The following ANLN variants were observed in gnomAD, a reference collection of about 807,000 sequenced individuals.
ANLN encodes the protein anillin, actin binding protein, also known as anillin.
ANLN carries 59 observed loss-of-function variants against 135.1 expected under a neutral mutation model. The observed-to-expected ratio is 0.44, with a 90% CI of 0.35 to 0.54. The LOEUF (loss-of-function observed/expected upper bound fraction) is 0.54. Ranked by LOEUF, ANLN falls within the 20% of genes least tolerant of loss-of-function variation. The pLI, the probability that ANLN is intolerant of heterozygous loss-of-function variation, is 0.00. For synonymous variants in ANLN, 406 were observed against 456.4 expected (o/e 0.89, Z 1.41); for missense variants, 1,182 against 1,340.0 (o/e 0.88, Z 1.84).
At chr7:36,396,457 T>C (rs1419014859) in intron 2 of ANLN, 38 bp downstream of exon 2, 4 of 1,532,362 alleles carry the variant, frequency 2.6e-6, no homozygotes, top group Non-Finnish European at 1.8e-6. Flanking sequence ...ATTTACTTTT[T>C]TTTTCTTTTG....
In ANLN at chr7:36,390,030, G is replaced by A; in HGVS notation, c.4G>A (p.Asp2Asn). Residue 2 changes from aspartate (D) to asparagine (N), a missense_variant, in exon 1 of 24, where the codon GAT becomes AAT. Asp to Asn is a conservative substitution (Grantham distance 23, BLOSUM62 1). Transcript: ENST00000265748. ...TCGTAGTCCGACGCCTGGGGCGATG[G>A]ATCCGTTTACGGAGGTGAGTGAGTT... M[D>N]PFTEKLLERT... The A allele has an allele frequency of 6.2e-7, 1 of 1,614,056 alleles. No homozygotes were observed. The highest frequency in any genetic ancestry group is 8.5e-7 in the Non-Finnish European group (1 of 1,179,976).
At chr7:36,418,778 A>C (rs1787752802) in intron 9 of ANLN, among the ~76,000 whole-genome samples, 1 of 147,988 alleles carries the variant, frequency 6.8e-6, no homozygotes, top group African/African-American at 2.5e-5. Flanking sequence ...TCTCAGACAG[A>C]GTTTCACTCT....
chr7:36,408,339 G>C (rs183298600), intron 5 of ANLN, among the ~76,000 whole-genome samples: 2 of 152,188 alleles, frequency 1.3e-5, no homozygotes, highest in East Asian at 1.9e-4. Context: ...GAGTATGAAG[G>C]CACCTCTAAT....
chr7:36,414,616 GGGGGTAGTATTGA>G (rs1787564689), intron 7 of ANLN, among the ~76,000 whole-genome samples: 2 of 152,312 alleles, frequency 1.3e-5, no homozygotes, highest in Non-Finnish European at 2.9e-5. Flanking sequence ...AGGAAGAATA[GGGGGTAGTATTGA>G]GGCTTAGATG....
intron 21 of ANLN, among the ~76,000 whole-genome samples, chr7:36,440,878 CA>C (rs1788742390): frequency 6.6e-6 from 1 of 152,082 alleles, no homozygotes; most frequent in Non-Finnish European, 1.5e-5. Context: ...CTCTGTGAAG[CA>C]AGAACTTGAA....
intron 20 of ANLN, among the ~76,000 whole-genome samples, chr7:36,427,295 T>G (rs1206063390): frequency 6.6e-6 from 1 of 152,112 alleles, no homozygotes; most frequent in Non-Finnish European, 1.5e-5. Context: ...AAGTATTACT[T>G]CCTGCATTTA....
rs1451734669 is a variant in ANLN, at chr7:36,419,407, A to G, written c.1797A>G (p.Glu599=). 6 of 1,614,204 alleles carry G rather than the reference A, an allele frequency of 3.7e-6. No homozygotes were observed. The highest frequency in any genetic ancestry group is 4.2e-6 in the Non-Finnish European group (5 of 1,180,030). Residue 599 remains glutamate (E), a synonymous_variant, in exon 10 of 24, where the codon GAA becomes GAG. Transcript: ENST00000265748. ...TAGCAGAAAGCAGCGAAGAACAGGAAGATGCACTGAATATCTCCTCAATGT... is the reference window on the plus strand; with the variant it reads ...TAGCAGAAAGCAGCGAAGAACAGGAGGATGCACTGAATATCTCCTCAATGT... ...QALAESSEEQ[E]DALNISSMSL... is the part of the protein sequence containing the mutation.
chr7:36,399,035 GA>G, intron 2 of ANLN, 43 bp from the exon 3 acceptor site: 1 of 1,519,172 alleles, frequency 6.6e-7, no homozygotes. Flanking sequence ...TTTCATGTGA[GA>G]AATTACAAAT....
At position 36,419,372 on chromosome 7, in the gene ANLN, G is replaced by A. The variant is rs1163385439; in HGVS notation, c.1762G>A (p.Asp588Asn). The change falls in exon 10 of 24, where the codon GAT (aspartate) becomes AAT (asparagine). Residue 588 changes from aspartate (D) to asparagine (N), a missense_variant. Physicochemically the swap from Asp to Asn is conservative, Grantham distance 23. Around this residue, in one of 3 missense-constraint regions of ANLN, gnomAD observed 1,022 missense variants for 1,134.0 expected, o/e 0.90. Transcript: ENST00000265748. ...TATGGAGAAGAGCCAAGAGGAGATG[G>A]ATCAAGCATTAGCAGAAAGCAGCGA... ...LDMEKSQEEM[D>N]QALAESSEEQ... 3.1e-6 allele frequency: 5 copies of A among 1,614,118 alleles called. No homozygotes were observed. Among genetic ancestry groups the A allele is most frequent in the Non-Finnish European group, 4.2e-6 (5 of 1,180,020 alleles).
chr7:36,426,913 C>T lies in ANLN; in HGVS notation c.2771-3C>T. On this transcript the variant is annotated splice_region_variant and splice_polypyrimidine_tract_variant and intron_variant, in intron 19 of 23. Coordinates refer to ENST00000265748, the MANE Select transcript of ANLN (RefSeq NM_018685.5). ...CTAAACTTAATTTCCTCGTTCTTCA[C>T]AGTCATGGCCAGTCCAGGAGGTCTT... is the stretch of plus-strand genomic sequence containing the variant. 1 of 1,567,514 alleles carries T rather than the reference C, an allele frequency of 6.4e-7. No individual in the cohort carries two copies.
rs1295349407 is a variant in ANLN at position 36,417,065 on chromosome 7, C to T, written c.1523-15C>T. 1.4e-6 allele frequency: 2 copies of T among 1,461,056 alleles called. No homozygotes were observed. Among genetic ancestry groups the T allele is most frequent in the Non-Finnish European group, 1.9e-6 (2 of 1,060,162 alleles). The allele number at this position is 1,461,056 out of a possible 1,614,324, so 90.5% of individuals were successfully genotyped here. ...TCTTATATATATTAATATGGTCTTTCTTAAACATTTTTAGGTTTCACTGAA... is the reference window on the plus strand; with the variant it reads ...TCTTATATATATTAATATGGTCTTTTTTAAACATTTTTAGGTTTCACTGAA... On this transcript the variant is annotated splice_polypyrimidine_tract_variant and intron_variant, in intron 8 of 23. Transcript: ENST00000265748.
At chr7:36,420,810 C>T (rs1184001721) in intron 12 of ANLN, 66 bp downstream of exon 12, 6 of 1,553,234 alleles carry the variant, frequency 3.9e-6, no homozygotes, top group Middle Eastern at 1.7e-4. Flanking sequence ...TCTGTGAGGA[C>T]AAAGGGCCCA....
chr7:36,399,444 A>C (rs1466806393), intron 3 of ANLN, 51 bp downstream of exon 3: 1 of 1,446,348 alleles, frequency 6.9e-7, no homozygotes, highest in Non-Finnish European at 9.3e-7. Context: ...AATAAGATTC[A>C]GTTTGGTATG....
rs541988213 is a variant in ANLN, at chr7:36,433,280, A to G, written c.2884-5924A>G. On this transcript the variant is annotated intron_variant, in intron 20 of 23. Coordinates refer to ENST00000265748, the MANE Select transcript of ANLN (RefSeq NM_018685.5). ...TTCTTGTAATATAGTTCTGCTGGAA[A>G]TGAAATCTCTAGGTTTTGTTTGTCC... Among the ~76,000 whole-genome samples the G allele has an allele frequency of 9.2e-5, 14 of 152,300 alleles. No homozygotes were observed. In the East Asian group the frequency reaches 1.3e-3, roughly 15 times the overall value.
In ANLN at chr7:36,415,667, T is replaced by A; in HGVS notation, c.1396-91T>A. The A allele has an allele frequency of 8.2e-6, 11 of 1,343,432 alleles. No homozygotes were observed. In the South Asian group the frequency reaches 1.8e-4, roughly 22 times the overall value. 83.2% of individuals were successfully genotyped at this position (1,343,432 alleles called of 1,614,324 possible). A position where few individuals can be genotyped will look rare whatever the true frequency, so the allele number is the denominator to read the frequency against. On this transcript the variant is annotated intron_variant, in intron 7 of 23. Coordinates refer to ENST00000265748, the MANE Select transcript of ANLN (RefSeq NM_018685.5). The stretch of plus-strand genomic sequence containing the variant: ...CTAAGGAAACTTATACAGAATAATA[T>A]TTAATAATAATCTTGTTTCATTTAA...
At chr7:36,390,154 G>C in intron 1 of ANLN, 110 bp downstream of exon 1, 2 of 1,576,380 alleles carry the variant, frequency 1.3e-6, no homozygotes, top group Non-Finnish European at 1.7e-6. Context: ...GCGCGTGTGT[G>C]CGCGCGTGCG....
intron 21 of ANLN, among the ~76,000 whole-genome samples, chr7:36,442,882 G>A (rs932187372): frequency 1.3e-5 from 2 of 151,450 alleles, no homozygotes; most frequent in Middle Eastern, 3.5e-3. Context: ...CGCCCGCCTC[G>A]GCCTCCCAAA....
At chr7:36,393,722 G>C (rs1246713056) in intron 1 of ANLN, among the ~76,000 whole-genome samples, 2 of 152,216 alleles carry the variant, frequency 1.3e-5, no homozygotes, top group African/African-American at 4.8e-5. Context: ...TACTGAGATA[G>C]ATTTATTGAA....
intron 3 of ANLN, among the ~76,000 whole-genome samples, chr7:36,404,626 C>T (rs1422069507): frequency 6.6e-6 from 1 of 152,162 alleles, no homozygotes; most frequent in Non-Finnish European, 1.5e-5. Flanking sequence ...TAGTTGAGAA[C>T]TTTCACCTTT....
Sources: allele counts gnomAD v4.1 joint callset (sites outside exome capture counted in the v4.1 genomes callset), GRCh38; gene constraint gnomAD v4.1.1; regional missense constraint gnomAD v4.1.1; transcripts MANE v1.5; gene names NCBI Gene and HGNC (gene_info 2026-07-23, HGNC 2026-07-21).